TYW1B: variants seen among roughly 807,000 people sequenced by gnomAD.
TYW1B encodes tRNA-yW synthesizing protein 1 homolog B, also known as S-adenosyl-L-methionine-dependent tRNA 4-demethylwyosine synthase TYW1B.
In TYW1B, 73 loss-of-function variants were observed where a neutral mutation model predicts 86.9. The observed-to-expected ratio is 0.84, with a 90% confidence interval of 0.70 to 1.02. The LOEUF is 1.02. TYW1B is among the 50% of genes least tolerant of loss of function. The probability of loss-of-function intolerance (pLI) is 0.00; values close to 1 mark genes in which losing one functional copy is unlikely to be tolerated. For synonymous variants in TYW1B, 248 were observed against 292.8 expected (o/e 0.85, Z 1.56); for missense variants, 637 against 827.4 (o/e 0.77, Z 2.82).
At chr7:72,708,372 T>C (rs1814661362) in intron 10 of TYW1B, among the ~76,000 whole-genome samples, 1 of 152,164 alleles carries the variant, frequency 6.6e-6, no homozygotes, top group South Asian at 2.1e-4. Context: ...TATTACTTCC[T>C]AGTGTATGTG....
chr7:72,782,393 C>T (rs1788064310), intron 6 of TYW1B, among the ~76,000 whole-genome samples: 2 of 152,306 alleles, frequency 1.3e-5, no homozygotes, highest in African/African-American at 2.4e-5. Flanking sequence ...AGGATAAAAA[C>T]AAGGCCGAAA....
chr7:72,700,031 C>A lies in TYW1B; in HGVS notation c.1371-5209G>T, dbSNP rs115418515. ...GTGGCTCTAGGGTGGTGGAGATATT[C>A]CATAAAATACAGTGGATAAACTGTA... On this transcript the variant is annotated intron_variant, in intron 10 of 13. Transcript: ENST00000620995. Among the ~76,000 whole-genome samples the A allele has an allele frequency of 4.2e-3, 641 of 152,018 alleles. 5 individuals carry two copies. Among genetic ancestry groups the A allele is most frequent in the African/African-American group, 0.015 (608 of 41,486 alleles).
At chr7:72,576,015 C>T (rs1317378833) in intron 13 of TYW1B, among the ~76,000 whole-genome samples, 1 of 152,184 alleles carries the variant, frequency 6.6e-6, no homozygotes, top group Non-Finnish European at 1.5e-5. Context: ...TAAATGTTTC[C>T]GTGTTACCAT....
At chr7:72,645,980 C>CATATGTT (rs1554442026) in intron 11 of TYW1B, among the ~76,000 whole-genome samples, 1 of 148,006 alleles carries the variant, frequency 6.8e-6, no homozygotes, top group African/African-American at 2.5e-5. Context: ...ATATATATTA[C>CATATGTT]ATATGTTATA....
At chr7:72,767,466 C>T (rs1787790189) in intron 7 of TYW1B, among the ~76,000 whole-genome samples, 1 of 151,652 alleles carries the variant, frequency 6.6e-6, no homozygotes, top group Non-Finnish European at 1.5e-5. Flanking sequence ...AAAAATTAGC[C>T]GGGTGTGGTG....
At chr7:72,642,985 T>C (rs1211366760) in intron 11 of TYW1B, among the ~76,000 whole-genome samples, 2 of 152,198 alleles carry the variant, frequency 1.3e-5, no homozygotes, top group African/African-American at 2.4e-5. Context: ...ACAGACACTA[T>C]TGGAAGTTCT....
Position 72,648,678 on chromosome 7 carries a change from A to G in TYW1B, c.1507-19681T>C, listed in dbSNP as rs557967908. On this transcript the variant is annotated intron_variant, in intron 11 of 13. Transcript: ENST00000620995. ...CTGAATCGTAGGACAGTGTGGCCAG[A>G]GTTTGAAGAGTCATGTACTCTACAG... 9.8e-5 allele frequency among the ~76,000 whole-genome samples: 15 copies of G among 152,328 alleles called. 1 individual carries two copies. In the Middle Eastern group the frequency reaches 0.017, roughly 173 times the overall value.
At chr7:72,713,578 A>C in intron 10 of TYW1B, 43 bp downstream of exon 10, 2 of 1,523,838 alleles carry the variant, frequency 1.3e-6, no homozygotes, top group Non-Finnish European at 1.8e-6. Flanking sequence ...TTGCAGTGAA[A>C]CATAGATTCA....
intron 10 of TYW1B, among the ~76,000 whole-genome samples, chr7:72,709,540 T>G (rs1310187676): frequency 6.6e-6 from 1 of 152,050 alleles, no homozygotes; most frequent in Non-Finnish European, 1.5e-5. Flanking sequence ...TGGTGGTGGG[T>G]GCCTGTAGTC....
At chr7:72,603,123 TGG>T (rs1554434151) in intron 13 of TYW1B, among the ~76,000 whole-genome samples, 6 of 149,912 alleles carry the variant, frequency 4.0e-5, no homozygotes, top group African/African-American at 7.4e-5. Context: ...GATGGATGGA[TGG>T]ATGGATGGAT....
chr7:72,606,643 G>A (rs1216187239), intron 13 of TYW1B, among the ~76,000 whole-genome samples: 2 of 151,772 alleles, frequency 1.3e-5, no homozygotes, highest in Non-Finnish European at 2.9e-5. Flanking sequence ...TGTCAGTGGA[G>A]TCTAAGGGGG....
At chr7:72,803,516 T>C (rs1212192248) in intron 5 of TYW1B, among the ~76,000 whole-genome samples, 2 of 152,158 alleles carry the variant, frequency 1.3e-5, no homozygotes, top group African/African-American at 2.4e-5. Flanking sequence ...GATGAGGAAA[T>C]TAAAGGTAGA....
chr7:72,728,767 C>G (rs1236509998), intron 9 of TYW1B, 55 bp downstream of exon 9: 16 of 1,522,412 alleles, frequency 1.1e-5, no homozygotes, highest in Non-Finnish European at 1.4e-5. Context: ...TTCTGCCAAT[C>G]TGATTCAGAC....
chr7:72,628,406 T>C (rs1755176734), intron 12 of TYW1B, among the ~76,000 whole-genome samples: 1 of 152,230 alleles, frequency 6.6e-6, no homozygotes, highest in Non-Finnish European at 1.5e-5. Flanking sequence ...TAAAATAATC[T>C]GGGCTAAGAG....
At chr7:72,711,156 G>A (rs1165062800) in intron 10 of TYW1B, among the ~76,000 whole-genome samples, 1 of 152,074 alleles carries the variant, frequency 6.6e-6, no homozygotes, top group East Asian at 1.9e-4. Flanking sequence ...TAAAACAGTG[G>A]GCCTTAATAA....
intron 11 of TYW1B, among the ~76,000 whole-genome samples, chr7:72,663,184 C>T (rs782110780): frequency 5.7e-5 from 3 of 52,234 alleles, no homozygotes; most frequent in African/African-American, 7.4e-5. Flanking sequence ...TTAGTCAAGG[C>T]GGGGGGTTGT....
At chr7:72,797,325 A>T (rs1286455828) in intron 6 of TYW1B, among the ~76,000 whole-genome samples, 1 of 152,186 alleles carries the variant, frequency 6.6e-6, no homozygotes, top group Non-Finnish European at 1.5e-5. Context: ...TGCTTGCATG[A>T]TGGGATACCA....
intron 11 of TYW1B, among the ~76,000 whole-genome samples, chr7:72,667,983 A>G (rs1390850169): frequency 6.6e-6 from 1 of 152,200 alleles, no homozygotes; most frequent in Non-Finnish European, 1.5e-5. Flanking sequence ...TAACACAGCT[A>G]GTGTCACATA....
At chr7:72,664,650 A>G (rs1177685424) in intron 11 of TYW1B, among the ~76,000 whole-genome samples, 1 of 152,182 alleles carries the variant, frequency 6.6e-6, no homozygotes, top group Non-Finnish European at 1.5e-5. Context: ...ACAAATGGGT[A>G]GCAGGCTTAA....
Sources: allele counts gnomAD v4.1 joint callset (sites outside exome capture counted in the v4.1 genomes callset), GRCh38; gene constraint gnomAD v4.1.1; transcripts MANE v1.5; gene names NCBI Gene and HGNC (gene_info 2026-07-23, HGNC 2026-07-21).